TAFA4: variants seen among roughly 807,000 people sequenced by gnomAD.
TAFA4 encodes the protein chemokine-like protein TAFA-4.
A neutral mutation model predicts 21.1 loss-of-function variants in TAFA4; 20 were observed. The ratio of observed to expected loss-of-function variants is 0.95; its 90% CI spans 0.67 to 1.38. TAFA4 has a LOEUF of 1.38. Among genes scored for constraint, TAFA4 ranks in the 40% most tolerant of loss-of-function variants. The pLI is 0.00. For missense variants in TAFA4, 211 were observed against 180.9 expected (o/e 1.17, Z -0.95); for synonymous variants, 71 against 67.4 (o/e 1.05, Z -0.26).
At chr3:68,794,588 A>G (rs1703421313) in intron 3 of TAFA4, among the ~76,000 whole-genome samples, 1 of 151,974 alleles carries the variant, frequency 6.6e-6, no homozygotes, top group South Asian at 2.1e-4. Context: ...TTTTCATCAT[A>G]TTGCTTTCAA....
chr3:68,919,954 A>T (rs553985696), intron 1 of TAFA4, among the ~76,000 whole-genome samples: 1 of 152,374 alleles, frequency 6.6e-6, no homozygotes. Context: ...TACCCTAGAA[A>T]AATGCAAACA....
At chr3:68,895,286 C>T (rs1362542207) in intron 1 of TAFA4, among the ~76,000 whole-genome samples, 2 of 152,200 alleles carry the variant, frequency 1.3e-5, no homozygotes, top group African/African-American at 4.8e-5. Context: ...GCGTCAGCCA[C>T]CGCGCCCAGC....
intron 3 of TAFA4, among the ~76,000 whole-genome samples, chr3:68,774,757 T>C (rs1327534983): frequency 6.6e-6 from 1 of 152,218 alleles, no homozygotes; most frequent in Non-Finnish European, 1.5e-5. Context: ...GATCCTCTTT[T>C]CATTCTTTCA....
chr3:68,766,904 A>G (rs188847187), intron 3 of TAFA4, among the ~76,000 whole-genome samples: 1 of 152,198 alleles, frequency 6.6e-6, no homozygotes, highest in Non-Finnish European at 1.5e-5. Flanking sequence ...CAATTTTATT[A>G]TACTTATCAA....
chr3:68,873,375 CA>C (rs2089510442), intron 3 of TAFA4, among the ~76,000 whole-genome samples: 1 of 139,452 alleles, frequency 7.2e-6, no homozygotes, highest in African/African-American at 2.7e-5. Context: ...CACACACACA[CA>C]CCCTGGGCCA....
chr3:68,877,434 C>G (rs1373111297), intron 3 of TAFA4, among the ~76,000 whole-genome samples: 2 of 152,146 alleles, frequency 1.3e-5, no homozygotes, highest in African/African-American at 2.4e-5. Flanking sequence ...TTCTGCCCAG[C>G]ATCCACGAAA....
intron 1 of TAFA4, among the ~76,000 whole-genome samples, chr3:68,912,980 G>A (rs1292948568): frequency 6.6e-6 from 1 of 152,170 alleles, no homozygotes; most frequent in African/African-American, 2.4e-5. Flanking sequence ...GTGGGGGTAG[G>A]AATTCTGCCC....
intron 3 of TAFA4, among the ~76,000 whole-genome samples, chr3:68,874,407 C>T (rs1251264584): frequency 6.6e-6 from 1 of 152,044 alleles, no homozygotes; most frequent in Admixed American, 6.6e-5. Context: ...TCTTCCTGCC[C>T]CGTCTCTACC....
At chr3:68,761,655 A>G (rs1702757470) in intron 3 of TAFA4, among the ~76,000 whole-genome samples, 1 of 152,208 alleles carries the variant, frequency 6.6e-6, no homozygotes, top group Non-Finnish European at 1.5e-5. Context: ...CTGAGAAGCC[A>G]CTGGATATTT....
At chr3:68,772,458 A>G (rs192171349) in intron 3 of TAFA4, among the ~76,000 whole-genome samples, 1 of 152,212 alleles carries the variant, frequency 6.6e-6, no homozygotes, top group East Asian at 1.9e-4. Flanking sequence ...AAAAAGGCAA[A>G]AGAAAGGTGA....
intron 3 of TAFA4, among the ~76,000 whole-genome samples, chr3:68,814,737 C>G (rs2106851470): frequency 6.6e-6 from 1 of 152,228 alleles, no homozygotes; most frequent in Non-Finnish European, 1.5e-5. Flanking sequence ...GGCCATACTG[C>G]CCAAGGTAAT....
intron 3 of TAFA4, among the ~76,000 whole-genome samples, chr3:68,861,682 A>G (rs2089346875): frequency 6.6e-6 from 1 of 152,014 alleles, no homozygotes; most frequent in Non-Finnish European, 1.5e-5. Flanking sequence ...CCCCCAGCCC[A>G]GCTCAACACC....
At chr3:68,889,764 T>G (rs902322966) in intron 1 of TAFA4, among the ~76,000 whole-genome samples, 1 of 152,180 alleles carries the variant, frequency 6.6e-6, no homozygotes, top group African/African-American at 2.4e-5. Flanking sequence ...CTAAATAGTA[T>G]CAAGGTCATG....
chr3:68,907,206 T>G (rs2089910151), intron 1 of TAFA4, among the ~76,000 whole-genome samples: 1 of 152,034 alleles, frequency 6.6e-6, no homozygotes, highest in African/African-American at 2.4e-5. Context: ...TTGGAGAAAT[T>G]GATTCTCTGC....
intron 3 of TAFA4, among the ~76,000 whole-genome samples, chr3:68,800,360 G>A (rs1703550921): frequency 6.6e-6 from 1 of 152,164 alleles, no homozygotes; most frequent in South Asian, 2.1e-4. Context: ...CTCAGTTTGT[G>A]ATCATCTGTT....
At chr3:68,920,639 A>ATT (rs367598663) in intron 1 of TAFA4, among the ~76,000 whole-genome samples, 1,487 of 130,164 alleles carry the variant, frequency 0.011, 33 homozygotes, top group African/African-American at 0.042. Flanking sequence ...TTTTTCTCTA[A>ATT]TTTTTTTTTT....
chr3:68,913,246 T>C (rs2089975935), intron 1 of TAFA4, among the ~76,000 whole-genome samples: 6 of 151,990 alleles, frequency 3.9e-5, no homozygotes, highest in Admixed American at 3.9e-4. Context: ...TCACCTGTTA[T>C]TTTCTTCCTT....
At chr3:68,826,572 CA>C (rs34471537) in intron 3 of TAFA4, among the ~76,000 whole-genome samples, 61,107 of 101,810 alleles carry the variant, frequency 0.6, 14,343 homozygotes, top group East Asian at 0.73. Flanking sequence ...GACTCTGCCT[CA>C]AAAAAAAAAA....
At chr3:68,814,553 C>G (rs1703919084) in intron 3 of TAFA4, among the ~76,000 whole-genome samples, 1 of 152,112 alleles carries the variant, frequency 6.6e-6, no homozygotes, top group African/African-American at 2.4e-5. Flanking sequence ...TGAGTGAACT[C>G]CCATTCACAA....
Sources: allele counts gnomAD v4.1 joint callset (sites outside exome capture counted in the v4.1 genomes callset), GRCh38; gene constraint gnomAD v4.1.1; transcripts MANE v1.5; gene names NCBI Gene and HGNC (gene_info 2026-07-23, HGNC 2026-07-21).